Variants in ARRDC2 observed in about 807,000 individuals in gnomAD.
ARRDC2 encodes arrestin domain containing 2.
A neutral mutation model predicts 38.9 loss-of-function variants in ARRDC2; 39 were observed. The observed-to-expected ratio is 1.00, with a 90% CI of 0.78 to 1.31. The LOEUF is 1.31. Ranked by LOEUF, ARRDC2 falls within the 50% of genes most tolerant of loss-of-function variation. The pLI is 0.00. For synonymous variants in ARRDC2, 300 were observed against 261.9 expected, an observed-to-expected ratio of 1.15 and a Z score of -1.41; for missense variants, 553 against 588.4, an observed-to-expected ratio of 0.94 and a Z score of 0.62.
chr19:18,008,202 G>A lies in ARRDC2; in HGVS notation c.-109G>A. ...TGCTCCGGTTGGTGAGCGCGCCTGC[G>A]CGTTGACGGCGATTTTGCGTTCTGA... is the stretch of plus-strand genomic sequence containing the variant. On this transcript the variant is annotated 5_prime_UTR_variant, in exon 1 of 8. Transcript: ENST00000222250. 3.4e-6 allele frequency: 5 copies of A among 1,477,804 alleles called. No homozygotes were observed. The South Asian group carries it at 3.6e-5, about 11-fold the overall frequency. 91.5% of individuals were successfully genotyped at this position (1,477,804 alleles called of 1,614,324 possible).
chr19:18,001,643 A>C, intron 1 of ARRDC2: 1 of 1,262,994 alleles, frequency 7.9e-7, no homozygotes, highest in African/African-American at 1.6e-5. Flanking sequence ...TCAGGGCCGG[A>C]AGCCTCTCAA....
chr19:18,001,376 A>T lies in ARRDC2; in HGVS notation c.62A>T (p.Tyr21Phe), dbSNP rs1447355418. 5 of 1,205,630 alleles carry T rather than the reference A, an allele frequency of 4.1e-6. No homozygotes were observed. In the African/African-American group the frequency reaches 6.3e-5, roughly 15 times the overall value. The allele number at this position is 1,205,630 out of a possible 1,614,324, so 74.7% of individuals were successfully genotyped here. The change falls in exon 1 of 8, where the codon TAC (tyrosine) becomes TTC (phenylalanine). Residue 21 changes from tyrosine to phenylalanine, a missense_variant. Tyr to Phe is a conservative substitution (Grantham distance 22, BLOSUM62 3). Coordinates refer to the ARRDC2 transcript ENST00000379656. Reference sequence around the variant, plus strand: ...CTGGCGCGGGGCCCGGGCGGCGCCTACCGCGGCGGGGAGCGGCTGTGCGGC... The same window carrying T: ...CTGGCGCGGGGCCCGGGCGGCGCCTTCCGCGGCGGGGAGCGGCTGTGCGGC...
At chr19:18,004,779 C>A (rs572989899), upstream of ARRDC2, among the ~76,000 whole-genome samples, 40 of 151,238 alleles carry the variant, frequency 2.6e-4, no homozygotes, top group African/African-American at 9.2e-4. Context: ...GCGGGCAGAT[C>A]GCTTGAGCTC....
At chr19:18,001,591 C>G in intron 1 of ARRDC2, 1 of 1,307,410 alleles carries the variant, frequency 7.6e-7, no homozygotes, top group South Asian at 2.0e-5. Context: ...ACTCGTCGCG[C>G]CGCCCCCGCA....
At chr19:18,005,047 G>A (rs1408933047), upstream of ARRDC2, among the ~76,000 whole-genome samples, 1 of 151,756 alleles carries the variant, frequency 6.6e-6, no homozygotes, top group Non-Finnish European at 1.5e-5. Context: ...ATTCTTGGGT[G>A]TTTCTTGCAG....
At position 18,008,234 on chromosome 19, in the gene ARRDC2, A is replaced by G. The variant is rs2033323564; in HGVS notation, c.-77A>G. On this transcript the variant is annotated 5_prime_UTR_variant, in exon 1 of 8. Coordinates refer to ENST00000222250, the MANE Select transcript of ARRDC2 (RefSeq NM_015683.2). ...CGGCGATTTTGCGTTCTGAGGCTGC[A>G]GCGTCGGCATCTTGAGCTGCCGGTT... is the stretch of plus-strand genomic sequence containing the variant. 3 of 1,537,490 alleles carry G rather than the reference A, an allele frequency of 2.0e-6. No homozygotes were observed. Among genetic ancestry groups the G allele is most frequent in the South Asian group, 2.3e-5 (2 of 86,088 alleles).
chr19:18,008,240 G>C lies in ARRDC2; in HGVS notation c.-71G>C. The C allele has an allele frequency of 1.9e-6, 3 of 1,553,404 alleles. No homozygotes were observed. Among genetic ancestry groups the C allele is most frequent in the Non-Finnish European group, 2.6e-6 (3 of 1,162,820 alleles). On this transcript the variant is annotated 5_prime_UTR_variant, in exon 1 of 8. Coordinates refer to ENST00000222250, the MANE Select transcript of ARRDC2 (RefSeq NM_015683.2). ...TTTTGCGTTCTGAGGCTGCAGCGTCGGCATCTTGAGCTGCCGGTTCGCGAG... is the reference window on the plus strand; with the variant it reads ...TTTTGCGTTCTGAGGCTGCAGCGTCCGCATCTTGAGCTGCCGGTTCGCGAG...
At position 18,012,953 on chromosome 19, in the gene ARRDC2, G is replaced by T. The variant is rs778552710; in HGVS notation, c.1211G>T (p.Cys404Phe). ...CTCTTGGGGGACATGAGGCCGCGCTGCATGACTTGCTGAACGGCACAGGGA... is the reference window on the plus strand; with the variant it reads ...CTCTTGGGGGACATGAGGCCGCGCTTCATGACTTGCTGAACGGCACAGGGA... ...NPLLGDMRPR[C>F]MTC Residue 404 changes from cysteine (C) to phenylalanine (F), a missense_variant, in exon 8 of 8, where the codon TGC (cysteine) becomes TTC (phenylalanine). Physicochemically the swap from Cys to Phe is radical, Grantham distance 205. Around this residue, in one of 3 missense-constraint regions of ARRDC2, gnomAD observed 100 missense variants for 107.6 expected, o/e 0.93. Transcript: ENST00000222250. The T allele has an allele frequency of 6.2e-7, 1 of 1,613,866 alleles. No individual in the cohort carries two copies. The highest frequency in any genetic ancestry group is 8.5e-7 in the Non-Finnish European group (1 of 1,179,912).
At chr19:18,001,177 G>C (rs1312208800) in exon 1 of ARRDC2, 1 of 974,432 alleles carries the variant, frequency 1.0e-6, no homozygotes, top group Non-Finnish European at 1.3e-6. Flanking sequence ...CACCGGCGCC[G>C]GCCCAAGTTC....
upstream of ARRDC2, among the ~76,000 whole-genome samples, chr19:18,003,797 G>A (rs1209910784): frequency 2.6e-5 from 4 of 151,792 alleles, no homozygotes; most frequent in Non-Finnish European, 5.9e-5. Context: ...CCGCCACCAC[G>A]CCCGGCTAAT....
At chr19:18,008,892 C>G in intron 2 of ARRDC2, 79 bp from the exon 3 acceptor site, 2 of 1,599,796 alleles carry the variant, frequency 1.3e-6, no homozygotes, top group Non-Finnish European at 1.7e-6. Flanking sequence ...CTGGGAGGCC[C>G]CCGGAGTGTC....
At chr19:18,007,244 G>A (rs1185185596), upstream of ARRDC2, 4 of 152,312 alleles carry the variant, frequency 2.6e-5, no homozygotes, top group Non-Finnish European at 4.4e-5. Flanking sequence ...AGCCCAGAGA[G>A]AGGTCACGCC....
At chr19:18,003,688 G>T (rs1281413273), upstream of ARRDC2, among the ~76,000 whole-genome samples, 1 of 151,488 alleles carries the variant, frequency 6.6e-6, no homozygotes, top group Non-Finnish European at 1.5e-5. Context: ...TGCCCAGGCT[G>T]GAGTGCAGTG....
chr19:18,010,349 C>A lies in ARRDC2; in HGVS notation c.1003C>A (p.Arg335=), dbSNP rs761043664. Residue 335 remains arginine (R), a synonymous_variant, in exon 6 of 8, where the codon CGG becomes AGG. Coordinates refer to ENST00000222250, the MANE Select transcript of ARRDC2 (RefSeq NM_015683.2). ...CTGGAGGCTGGGGGCCTTGCCGGAG[C>A]GGCCTGAGGGTAAGCTCCCACCCTG... ...LDWRLGALPE[R]PEAPPEYSEV... The A allele has an allele frequency of 1.2e-6, 2 of 1,609,218 alleles. No homozygotes were observed. The highest frequency in any genetic ancestry group is 8.5e-7 in the Non-Finnish European group (1 of 1,179,768).
Position 18,013,050 on chromosome 19 carries a change from G to C in ARRDC2, c.*84G>C. On this transcript the variant is annotated 3_prime_UTR_variant, in exon 8 of 8. Transcript: ENST00000222250. ...GTGGGGAGTGGCTGGACCAAGGGCTGACCTCCCCGACTGCATCAAAGTTGG... is the reference window on the plus strand; with the variant it reads ...GTGGGGAGTGGCTGGACCAAGGGCTCACCTCCCCGACTGCATCAAAGTTGG... 7.0e-7 allele frequency: 1 copy of C among 1,421,974 alleles called. No individual in the cohort carries two copies. The highest frequency in any genetic ancestry group is 9.8e-7 in the Non-Finnish European group (1 of 1,023,310). 88.1% of individuals were successfully genotyped at this position (1,421,974 alleles called of 1,614,324 possible). A position where few individuals can be genotyped will look rare whatever the true frequency, so the allele number is the denominator to read the frequency against.
intron 1 of ARRDC2, chr19:18,001,578 G>A: frequency 1.5e-6 from 2 of 1,321,324 alleles, no homozygotes; most frequent in African/African-American, 1.5e-5. Flanking sequence ...TCCGAGGTGA[G>A]ACACTCGTCG....
chr19:18,011,830 C>T (rs942569547), intron 7 of ARRDC2, among the ~76,000 whole-genome samples: 2 of 151,222 alleles, frequency 1.3e-5, no homozygotes, highest in Non-Finnish European at 2.9e-5. Context: ...CTACATACTC[C>T]AGTCTGGGAG....
At chr19:18,008,156 A>C (rs2033320234), upstream of ARRDC2, 11 of 805,434 alleles carry the variant, frequency 1.4e-5, no homozygotes, top group Admixed American at 6.0e-5. Flanking sequence ...AGCGGCGCCG[A>C]CGCACGGCGC....
intron 2 of ARRDC2, 82 bp downstream of exon 2, chr19:18,008,859 C>G (rs112781966): frequency 6.3e-7 from 1 of 1,593,178 alleles, no homozygotes; most frequent in African/African-American, 1.3e-5. Context: ...ATCTGGGCAC[C>G]TCTGAGCCCC....
Sources: allele counts gnomAD v4.1 joint callset (sites outside exome capture counted in the v4.1 genomes callset), GRCh38; gene constraint gnomAD v4.1.1; regional missense constraint gnomAD v4.1.1; transcripts MANE v1.5; gene names NCBI Gene and HGNC (gene_info 2026-07-23, HGNC 2026-07-21).